The following MRPL10 variants were observed in gnomAD, a reference collection of about 807,000 sequenced individuals.
The protein encoded by MRPL10 is mitochondrial ribosomal protein L10.
A neutral mutation model predicts 19.8 loss-of-function variants in MRPL10; 14 were observed. That is an observed-to-expected ratio of 0.71 (90% CI 0.47 to 1.11). The LOEUF is 1.11. Ranked by LOEUF, MRPL10 falls within the 50% of genes least tolerant of loss-of-function variation. The pLI, the probability that MRPL10 is intolerant of heterozygous loss-of-function variation, is 0.00. For synonymous variants in MRPL10, 129 were observed against 139.2 expected, an observed-to-expected ratio of 0.93 and a Z score of 0.52; for missense variants, 318 against 339.6, an observed-to-expected ratio of 0.94 and a Z score of 0.50.
chr17:47,826,559 G>A, intron 4 of MRPL10, 78 bp downstream of exon 4: 1 of 1,569,936 alleles, frequency 6.4e-7, no homozygotes, highest in Non-Finnish European at 8.7e-7. Flanking sequence ...AACGTTCACG[G>A]TTTTACCAAG....
Position 47,826,624 on chromosome 17 carries a change from G to A in MRPL10, c.532+13C>T. The A allele has an allele frequency of 6.2e-7, 1 of 1,612,704 alleles. No individual in the cohort carries two copies. Among genetic ancestry groups the A allele is most frequent in the Non-Finnish European group, 8.5e-7 (1 of 1,179,926 alleles). ...CTTCACCCCACCCCTAACTGGCAGGGGTGCTTGCTCACCTAGCAGCGGCAG... is the reference window on the plus strand; with the variant it reads ...CTTCACCCCACCCCTAACTGGCAGGAGTGCTTGCTCACCTAGCAGCGGCAG... On this transcript the variant is annotated intron_variant, in intron 4 of 4. Coordinates refer to ENST00000351111, the MANE Select transcript of MRPL10 (RefSeq NM_145255.4).
chr17:47,826,146 CAAAAA>C (rs67519028), intron 4 of MRPL10, among the ~76,000 whole-genome samples: 2 of 74,194 alleles, frequency 2.7e-5, no homozygotes, highest in East Asian at 3.5e-4. Context: ...GACTCCATCT[CAAAAA>C]AAAAAAAAAA....
In MRPL10 at chr17:47,824,111, T is replaced by G; in HGVS notation, c.*94A>C. 2 of 1,547,124 alleles carry G rather than the reference T, an allele frequency of 1.3e-6. No individual in the cohort carries two copies. Among genetic ancestry groups the G allele is most frequent in the Non-Finnish European group, 1.8e-6 (2 of 1,130,776 alleles). On this transcript the variant is annotated 3_prime_UTR_variant, in exon 5 of 5. Transcript: ENST00000351111. Reference sequence around the variant, plus strand: ...AGTGAAAACCAAGTGACAAACACACTCCCCGACCCCAAGTTCTTCCACATG... The same window carrying G: ...AGTGAAAACCAAGTGACAAACACACGCCCCGACCCCAAGTTCTTCCACATG...
Position 47,831,537 on chromosome 17 carries a change from C to T in MRPL10, c.-26G>A, listed in dbSNP as rs1421816902. On this transcript the variant is annotated 5_prime_UTR_variant, in exon 1 of 5. Transcript: ENST00000351111. ...CTCCACCGGAAGAATGGACGGAAGCCGAGTGGAGACGGAAAGAGCTAAGGA... is the reference window on the plus strand; with the variant it reads ...CTCCACCGGAAGAATGGACGGAAGCTGAGTGGAGACGGAAAGAGCTAAGGA... 1 of 1,546,372 alleles carries T rather than the reference C, an allele frequency of 6.5e-7. No homozygotes were observed. The highest frequency in any genetic ancestry group is 2.0e-5 in the Admixed American group (1 of 50,546).
intron 1 of MRPL10, chr17:47,829,340 A>T (rs1353004875): frequency 6.5e-6 from 1 of 152,674 alleles, no homozygotes; most frequent in Non-Finnish European, 1.5e-5. Context: ...AAGGTTAAAT[A>T]AACTTTTTCT....
Position 47,827,151 on chromosome 17 carries a change from G to T in MRPL10, c.276C>A (p.Asp92Glu), listed in dbSNP as rs531859096. ...TCTGGCAGACGGCTATCATTCGGTT[G>T]TCCTGGAAAACTGCTGCTATCTCCC... The part of the protein sequence containing the change: ...LRREIAAVFQ[D>E]NRMIAVCQNV... Residue 92 changes from aspartate (D) to glutamate (E), a missense_variant, in exon 3 of 5, where the codon GAC becomes GAA. Coordinates refer to ENST00000351111, the MANE Select transcript of MRPL10 (RefSeq NM_145255.4). 4 of 1,614,104 alleles carry T rather than the reference G, an allele frequency of 2.5e-6. No homozygotes were observed. In the Admixed American group the frequency reaches 5.0e-5, roughly 20 times the overall value.
Position 47,824,124 on chromosome 17 carries a change from G to C in MRPL10, c.*81C>G, listed in dbSNP as rs2033488253. ...TGACAAACACACTCCCCGACCCCAA[G>C]TTCTTCCACATGTCCCATTGAGGAG... On this transcript the variant is annotated 3_prime_UTR_variant, in exon 5 of 5. Coordinates refer to ENST00000351111, the MANE Select transcript of MRPL10 (RefSeq NM_145255.4). 6.3e-7 allele frequency: 1 copy of C among 1,588,314 alleles called. No individual in the cohort carries two copies. Among genetic ancestry groups the C allele is most frequent in the African/African-American group, 1.3e-5 (1 of 74,528 alleles).
intron 3 of MRPL10, 35 bp downstream of exon 3, chr17:47,827,005 G>A: frequency 6.3e-7 from 1 of 1,580,358 alleles, no homozygotes. Flanking sequence ...GTGGGGGGAA[G>A]ATGGGCAACC....
rs1186206642 is a variant in MRPL10, at chr17:47,824,093, AC to A, written c.*111del. 6 of 1,416,456 alleles carry A rather than the reference AC, an allele frequency of 4.2e-6. No homozygotes were observed. In the African/African-American group the frequency reaches 8.5e-5, roughly 20 times the overall value. The allele number at this position is 1,416,456 out of a possible 1,614,324, so 87.7% of individuals were successfully genotyped here. On this transcript the variant is annotated 3_prime_UTR_variant, in exon 5 of 5. Coordinates refer to ENST00000351111, the MANE Select transcript of MRPL10 (RefSeq NM_145255.4). ...CCTGACAATATCATTACTAGTGAAA[AC>A]CAAGTGACAAACACACTCCCCGACC...
chr17:47,826,367 C>G (rs1203729174), intron 4 of MRPL10, among the ~76,000 whole-genome samples: 2 of 152,074 alleles, frequency 1.3e-5, no homozygotes, highest in South Asian at 2.1e-4. Context: ...CCTACTACCC[C>G]ACTGTTAGAC....
In MRPL10 at chr17:47,824,102, C is replaced by G; in HGVS notation, c.*103G>C. The G allele has an allele frequency of 6.7e-7, 1 of 1,499,804 alleles. No individual in the cohort carries two copies. Among genetic ancestry groups the G allele is most frequent in the Non-Finnish European group, 9.2e-7 (1 of 1,092,122 alleles). The allele number at this position is 1,499,804 out of a possible 1,614,324, so 92.9% of individuals were successfully genotyped here. A position where few individuals can be genotyped will look rare whatever the true frequency, so the allele number is the denominator to read the frequency against. On this transcript the variant is annotated 3_prime_UTR_variant, in exon 5 of 5. Coordinates refer to ENST00000351111, the MANE Select transcript of MRPL10 (RefSeq NM_145255.4). ...ATCATTACTAGTGAAAACCAAGTGA[C>G]AAACACACTCCCCGACCCCAAGTTC...
intron 2 of MRPL10, 106 bp from the exon 3 acceptor site, chr17:47,827,310 CA>C: frequency 2.1e-6 from 2 of 949,340 alleles, no homozygotes; most frequent in South Asian, 1.8e-5. Context: ...TCCAGATGTG[CA>C]AAAGATCGGG....
chr17:47,827,263 G>C, intron 2 of MRPL10, 59 bp from the exon 3 acceptor site: 1 of 1,510,390 alleles, frequency 6.6e-7, no homozygotes, highest in South Asian at 1.3e-5. Flanking sequence ...TGGCAACGTT[G>C]CTCCCTCTGT....
At chr17:47,825,623 A>G (rs1277753075) in intron 4 of MRPL10, among the ~76,000 whole-genome samples, 1 of 151,954 alleles carries the variant, frequency 6.6e-6, no homozygotes, top group Non-Finnish European at 1.5e-5. Flanking sequence ...GAGACCCTGA[A>G]TCATGGAATG....
In MRPL10 at chr17:47,831,513, T is replaced by A; in HGVS notation, c.-2A>T. 6.5e-7 allele frequency: 1 copy of A among 1,549,974 alleles called. No individual in the cohort carries two copies. ...CATCCCCGCCACGGCCGCAGCCATC[T>A]CCACCGGAAGAATGGACGGAAGCCG... On this transcript the variant is annotated 5_prime_UTR_variant, in exon 1 of 5. Transcript: ENST00000351111.
At chr17:47,828,320 C>T (rs2033567983) in intron 2 of MRPL10, 181 bp downstream of exon 2, 1 of 453,546 alleles carries the variant, frequency 2.2e-6, no homozygotes, top group African/African-American at 2.0e-5. Context: ...CAATCCAGAG[C>T]CCAAAAGCCA....
chr17:47,825,596 GC>G (rs1021768649), intron 4 of MRPL10, among the ~76,000 whole-genome samples: 5 of 152,208 alleles, frequency 3.3e-5, no homozygotes, highest in Non-Finnish European at 7.3e-5. Flanking sequence ...CTGCACTCCA[GC>G]CTGGGCAATG....
rs2033547435 is a variant in MRPL10 at position 47,827,153 on chromosome 17, C to T, written c.274G>A (p.Asp92Asn). The T allele has an allele frequency of 1.2e-6, 2 of 1,614,106 alleles. No individual in the cohort carries two copies. The highest frequency in any genetic ancestry group is 1.7e-6 in the Non-Finnish European group (2 of 1,179,958). Residue 92 changes from aspartate (D) to asparagine (N), a missense_variant, in exon 3 of 5, where the codon GAC becomes AAC. Physicochemically the swap from Asp to Asn is conservative, Grantham distance 23. Coordinates refer to ENST00000351111, the MANE Select transcript of MRPL10 (RefSeq NM_145255.4). ...LRREIAAVFQ[D>N]NRMIAVCQNV... Reference sequence around the variant, plus strand: ...TGGCAGACGGCTATCATTCGGTTGTCCTGGAAAACTGCTGCTATCTCCCGG... The same window carrying T: ...TGGCAGACGGCTATCATTCGGTTGTTCTGGAAAACTGCTGCTATCTCCCGG...
At position 47,831,440 on chromosome 17, in the gene MRPL10, G is replaced by A. The variant is rs769384447; in HGVS notation, c.52+20C>T. 3 of 1,548,622 alleles carry A rather than the reference G, an allele frequency of 1.9e-6. No homozygotes were observed. The highest frequency in any genetic ancestry group is 2.6e-6 in the Non-Finnish European group (3 of 1,146,892). On this transcript the variant is annotated intron_variant, in intron 1 of 4. Transcript: ENST00000351111. ...AGAGCGGCCGCAAGACACGCCGTGA[G>A]GACCTGGGCCACTCCTTACCCGCCT...
Sources: allele counts gnomAD v4.1 joint callset (sites outside exome capture counted in the v4.1 genomes callset), GRCh38; gene constraint gnomAD v4.1.1; transcripts MANE v1.5; gene names NCBI Gene and HGNC (gene_info 2026-07-23, HGNC 2026-07-21).